SETBP1: variants seen among roughly 807,000 people sequenced by gnomAD.
SETBP1 encodes the protein SET binding protein 1.
Under a neutral mutation model 101.0 loss-of-function variants are expected in SETBP1, and 9 were observed. The observed-to-expected ratio is 0.09, with a 90% CI of 0.05 to 0.16. The LOEUF (loss-of-function observed/expected upper bound fraction) is 0.16, where lower values mean the gene tolerates loss of function less well. SETBP1 is among the 10% of genes least tolerant of loss of function. The probability of loss-of-function intolerance (pLI) is 1.00; values close to 1 mark genes in which losing one functional copy is unlikely to be tolerated. For synonymous variants in SETBP1, 818 were observed against 788.5 expected (o/e 1.04, Z -0.63); for missense variants, 1,858 against 2,033.8 (o/e 0.91, Z 1.66).
chr18:44,805,973 A>G (rs2071723563), intron 2 of SETBP1, among the ~76,000 whole-genome samples: 1 of 152,178 alleles, frequency 6.6e-6, no homozygotes, highest in Non-Finnish European at 1.5e-5. Context: ...GAAGTCTGGT[A>G]GATCCTCCAT....
intron 2 of SETBP1, among the ~76,000 whole-genome samples, chr18:44,703,878 G>T (rs897790680): frequency 6.6e-6 from 1 of 152,060 alleles, no homozygotes; most frequent in Admixed American, 6.5e-5. Context: ...ATTGGAGTTG[G>T]GTCTCTTAAG....
At chr18:44,997,572 A>T (rs1024741559) in intron 4 of SETBP1, among the ~76,000 whole-genome samples, 7 of 152,182 alleles carry the variant, frequency 4.6e-5, no homozygotes, top group Non-Finnish European at 1.0e-4. Flanking sequence ...TTTTAGACTA[A>T]TGATTTGATC....
intron 2 of SETBP1, among the ~76,000 whole-genome samples, chr18:44,855,098 T>A (rs1477081261): frequency 6.6e-6 from 1 of 152,216 alleles, no homozygotes; most frequent in Non-Finnish European, 1.5e-5. Flanking sequence ...AGGCCTTCCC[T>A]GATCAGCTTA....
chr18:45,008,164 G>C (rs1294927216), intron 4 of SETBP1, among the ~76,000 whole-genome samples: 1 of 152,102 alleles, frequency 6.6e-6, no homozygotes, highest in Non-Finnish European at 1.5e-5. Context: ...TTTTTCTTGT[G>C]GTATGAGCAG....
upstream of SETBP1, among the ~76,000 whole-genome samples, chr18:44,680,677 G>A (rs1349190038): frequency 1.3e-5 from 2 of 152,094 alleles, no homozygotes; most frequent in Non-Finnish European, 2.9e-5. Context: ...GTTGGTGGCG[G>A]CGATGGTGGA....
intron 2 of SETBP1, among the ~76,000 whole-genome samples, chr18:44,846,664 G>A (rs2072731019): frequency 6.6e-6 from 1 of 152,222 alleles, no homozygotes; most frequent in Non-Finnish European, 1.5e-5. Context: ...CATTGCTCTA[G>A]TAAACAGCCA....
At chr18:44,707,809 C>A (rs957224252) in intron 2 of SETBP1, among the ~76,000 whole-genome samples, 6 of 152,132 alleles carry the variant, frequency 3.9e-5, no homozygotes, top group Non-Finnish European at 5.9e-5. Context: ...GGGGTGCTCA[C>A]AGGGCTTTGA....
chr18:44,796,998 C>G (rs778274855), intron 2 of SETBP1, among the ~76,000 whole-genome samples: 5 of 152,168 alleles, frequency 3.3e-5, no homozygotes, highest in Non-Finnish European at 7.3e-5. Context: ...CAGGAATGCA[C>G]TTGCTCAATA....
At chr18:44,864,470 C>T (rs1281404541) in intron 2 of SETBP1, among the ~76,000 whole-genome samples, 1 of 152,022 alleles carries the variant, frequency 6.6e-6, no homozygotes, top group Non-Finnish European at 1.5e-5. Context: ...AAGAAAGCAA[C>T]CTGAATTTAT....
At chr18:45,026,025 T>A (rs1307326201) in intron 4 of SETBP1, among the ~76,000 whole-genome samples, 1 of 152,220 alleles carries the variant, frequency 6.6e-6, no homozygotes, top group Non-Finnish European at 1.5e-5. Flanking sequence ...CCAGTTAGCA[T>A]TGAGATCTGT....
At chr18:44,930,343 T>G (rs922923090) in intron 3 of SETBP1, among the ~76,000 whole-genome samples, 1 of 152,190 alleles carries the variant, frequency 6.6e-6, no homozygotes, top group Non-Finnish European at 1.5e-5. Context: ...TTTGCCAGTA[T>G]TTTTTTGAGG....
At chr18:44,983,386 C>T (rs368744432) in intron 4 of SETBP1, among the ~76,000 whole-genome samples, 13 of 152,246 alleles carry the variant, frequency 8.5e-5, no homozygotes, top group South Asian at 2.1e-4. Flanking sequence ...TATTTTTCCA[C>T]CAACCAGCTC....
At chr18:44,888,819 G>T (rs1599279906) in intron 3 of SETBP1, among the ~76,000 whole-genome samples, 1 of 152,058 alleles carries the variant, frequency 6.6e-6, no homozygotes, top group Admixed American at 6.6e-5. Context: ...GTCTTTTTTG[G>T]GAGTCAAGTC....
intron 5 of SETBP1, among the ~76,000 whole-genome samples, chr18:45,043,833 T>A (rs955158749): frequency 6.6e-6 from 1 of 152,202 alleles, no homozygotes; most frequent in Non-Finnish European, 1.5e-5. Flanking sequence ...GAATTCTTAA[T>A]ACTATGAAAT....
intron 3 of SETBP1, among the ~76,000 whole-genome samples, chr18:44,895,831 AAG>A (rs1235253650): frequency 1.3e-5 from 2 of 152,114 alleles, no homozygotes; most frequent in Non-Finnish European, 2.9e-5. Context: ...ATTTCAACCA[AAG>A]AAAAAAAATG....
intron 4 of SETBP1, among the ~76,000 whole-genome samples, chr18:45,028,231 G>C (rs1000568167): frequency 2.1e-5 from 3 of 141,868 alleles, no homozygotes. Context: ...TCATTGTTCA[G>C]TTCCCACCTA....
intron 3 of SETBP1, 27 bp downstream of exon 3, chr18:44,869,310 G>C (rs2069215024): frequency 1.9e-6 from 3 of 1,606,564 alleles, no homozygotes; most frequent in African/African-American, 2.7e-5. Context: ...CTTTTAAGAA[G>C]TTTGGAAGAG....
intron 2 of SETBP1, among the ~76,000 whole-genome samples, chr18:44,740,266 C>T (rs2070066603): frequency 1.3e-5 from 2 of 152,062 alleles, no homozygotes; most frequent in Admixed American, 1.3e-4. Context: ...GGAAGGTTGC[C>T]CATTTTACCT....
intron 4 of SETBP1, among the ~76,000 whole-genome samples, chr18:44,974,673 T>G (rs1428697106): frequency 1.3e-5 from 2 of 152,054 alleles, no homozygotes; most frequent in Admixed American, 1.3e-4. Flanking sequence ...AAATATATAT[T>G]TGTATATATT....
Sources: gnomAD v4.1 joint callset for allele counts (sites outside exome capture counted in the v4.1 genomes callset) on GRCh38, gnomAD v4.1.1 for gene constraint, MANE v1.5 for transcripts, NCBI Gene and HGNC (gene_info 2026-07-23, HGNC 2026-07-21) for gene names.